ME3: variants seen among roughly 807,000 people sequenced by gnomAD.
ME3 encodes the protein malic enzyme 3.
In ME3, 48 loss-of-function variants were observed where a neutral mutation model predicts 68.9. That is an observed-to-expected ratio of 0.70 (90% CI 0.55 to 0.89). The LOEUF (loss-of-function observed/expected upper bound fraction) is 0.89. ME3 is among the 40% of genes least tolerant of loss of function. The probability of loss-of-function intolerance (pLI) is 0.00; values close to 1 mark genes in which losing one functional copy is unlikely to be tolerated. For missense variants in ME3, 675 were observed against 797.4 expected, an observed-to-expected ratio of 0.85 and a Z score of 1.85; for synonymous variants, 320 against 318.8, an observed-to-expected ratio of 1.00 and a Z score of -0.04.
At chr11:86,482,178 C>G (rs1263238336) in intron 7 of ME3, among the ~76,000 whole-genome samples, 1 of 152,192 alleles carries the variant, frequency 6.6e-6, no homozygotes, top group East Asian at 1.9e-4. Context: ...CTTTATGTTT[C>G]TGCACCAGAA....
intron 8 of ME3, among the ~76,000 whole-genome samples, chr11:86,463,204 CTG>C (rs1215595896): frequency 6.6e-6 from 1 of 152,142 alleles, no homozygotes; most frequent in East Asian, 1.9e-4. Flanking sequence ...ATGTGGCTGT[CTG>C]TGTGTCTGTA....
At chr11:86,521,431 A>AAAATAATAATAATAATAATAATAAT (rs1271326906) in intron 4 of ME3, among the ~76,000 whole-genome samples, 10 of 145,996 alleles carry the variant, frequency 6.8e-5, no homozygotes, top group South Asian at 4.4e-4. Flanking sequence ...AACAAAACAA[A>AAAATAATAATAATAATAATAATAAT]AATAATAATA....
chr11:86,604,638 C>G (rs756682454), intron 2 of ME3, among the ~76,000 whole-genome samples: 1 of 152,196 alleles, frequency 6.6e-6, no homozygotes, highest in African/African-American at 2.4e-5. Flanking sequence ...ATATCTATAA[C>G]TCAATTTAGT....
chr11:86,459,082 G>A (rs1029999114), intron 8 of ME3, among the ~76,000 whole-genome samples: 3 of 152,194 alleles, frequency 2.0e-5, no homozygotes, highest in African/African-American at 7.2e-5. Context: ...CTTGGCCCTG[G>A]ATGCATTATC....
chr11:86,610,483 G>A (rs915709012), intron 2 of ME3, among the ~76,000 whole-genome samples: 1 of 152,166 alleles, frequency 6.6e-6, no homozygotes, highest in Non-Finnish European at 1.5e-5. Flanking sequence ...GTGGAAATCA[G>A]TGCATATGCC....
chr11:86,664,141 T>C (rs905816743), intron 2 of ME3, among the ~76,000 whole-genome samples: 1 of 152,220 alleles, frequency 6.6e-6, no homozygotes, highest in Non-Finnish European at 1.5e-5. Context: ...ATTATTTACT[T>C]GGCTCTAGAA....
chr11:86,523,861 TA>T (rs1402171872), intron 4 of ME3, among the ~76,000 whole-genome samples: 58 of 152,246 alleles, frequency 3.8e-4, no homozygotes, highest in Non-Finnish European at 7.6e-4. Flanking sequence ...CCAAATAGAA[TA>T]TCACTTCAGA....
intron 4 of ME3, among the ~76,000 whole-genome samples, chr11:86,512,900 G>T (rs1953643269): frequency 6.6e-6 from 1 of 152,168 alleles, no homozygotes; most frequent in South Asian, 2.1e-4. Flanking sequence ...ATAACCAGAG[G>T]CAGGAAAAGC....
intron 2 of ME3, among the ~76,000 whole-genome samples, chr11:86,588,432 C>T (rs1014667323): frequency 6.6e-6 from 1 of 152,190 alleles, no homozygotes; most frequent in African/African-American, 2.4e-5. Context: ...ATCTCAGGCT[C>T]ACACAAATAT....
chr11:86,579,972 C>T (rs1958344579), intron 2 of ME3, among the ~76,000 whole-genome samples: 1 of 152,198 alleles, frequency 6.6e-6, no homozygotes, highest in South Asian at 2.1e-4. Flanking sequence ...TTCCTTCTTT[C>T]CAGTGCTTAG....
At chr11:86,650,669 G>A (rs1369910477) in intron 2 of ME3, among the ~76,000 whole-genome samples, 5 of 152,204 alleles carry the variant, frequency 3.3e-5, no homozygotes, top group South Asian at 2.1e-4. Context: ...CAGTGTGAGC[G>A]ACACAGAAGA....
intron 2 of ME3, among the ~76,000 whole-genome samples, chr11:86,568,519 A>G (rs1957609016): frequency 6.6e-6 from 1 of 152,072 alleles, no homozygotes; most frequent in African/African-American, 2.4e-5. Context: ...CAGCTACTGA[A>G]CTCTATTTAC....
At chr11:86,446,586 C>A in intron 12 of ME3, 99 bp from the exon 13 acceptor site, 2 of 1,154,328 alleles carry the variant, frequency 1.7e-6, no homozygotes, top group Non-Finnish European at 2.5e-6. Flanking sequence ...CTTCTTCATC[C>A]TCTCCCAAAC....
At position 86,518,693 on chromosome 11, in the gene ME3, G is replaced by C. The variant is rs565483409; in HGVS notation, c.468-9826C>G. Among the ~76,000 whole-genome samples, 7 of 152,310 alleles carry C rather than the reference G, an allele frequency of 4.6e-5. No homozygotes were observed. The East Asian group carries it at 1.3e-3, about 29-fold the overall frequency. On this transcript the variant is annotated intron_variant, in intron 4 of 14. Coordinates refer to ENST00000543262, the Ensembl canonical transcript of ME3. ...GCCCACTAAAAGCTATAATGGGGTGGTGGAGGTGATCTTCAGCTCTCCACA... is the reference window on the plus strand; with the variant it reads ...GCCCACTAAAAGCTATAATGGGGTGCTGGAGGTGATCTTCAGCTCTCCACA...
intron 6 of ME3, among the ~76,000 whole-genome samples, chr11:86,491,226 A>G (rs1485440717): frequency 6.6e-6 from 1 of 152,202 alleles, no homozygotes; most frequent in Non-Finnish European, 1.5e-5. Flanking sequence ...GGGTTTAAAT[A>G]AACTGCCCAA....
rs555198779 is a variant in ME3, at chr11:86,511,285, C to A, written c.468-2418G>T. Reference sequence around the variant, plus strand: ...AATAAAGACCAAAGTCCTCAACACGCCTACAGAATCTTGTCTGGGTCTTGC... The same window carrying A: ...AATAAAGACCAAAGTCCTCAACACGACTACAGAATCTTGTCTGGGTCTTGC... On this transcript the variant is annotated intron_variant, in intron 4 of 14. Transcript: ENST00000543262. Among the ~76,000 whole-genome samples, 11 of 152,346 alleles carry A rather than the reference C, an allele frequency of 7.2e-5. No individual in the cohort carries two copies. In the South Asian group the frequency reaches 1.9e-3, roughly 26 times the overall value.
chr11:86,623,615 T>C (rs1443223213), intron 2 of ME3, among the ~76,000 whole-genome samples: 1 of 152,226 alleles, frequency 6.6e-6, no homozygotes, highest in Non-Finnish European at 1.5e-5. Flanking sequence ...AAGTTGTTGC[T>C]ATTATTTTTG....
At chr11:86,602,597 A>G (rs1471909082) in intron 2 of ME3, among the ~76,000 whole-genome samples, 6 of 152,162 alleles carry the variant, frequency 3.9e-5, no homozygotes, top group Non-Finnish European at 7.4e-5. Flanking sequence ...AGAATTGGAA[A>G]AAACTACTTT....
intron 4 of ME3, among the ~76,000 whole-genome samples, chr11:86,555,853 T>C (rs566005388): frequency 6.6e-6 from 1 of 152,368 alleles, no homozygotes; most frequent in South Asian, 2.1e-4. Context: ...TATTTGAACG[T>C]AGACTAGAAC....
Sources: gnomAD v4.1 joint callset for allele counts (sites outside exome capture counted in the v4.1 genomes callset) on GRCh38, gnomAD v4.1.1 for gene constraint, MANE v1.5 for transcripts, NCBI Gene and HGNC (gene_info 2026-07-23, HGNC 2026-07-21) for gene names.